The following FIRRM variants were observed in gnomAD, a reference collection of about 807,000 sequenced individuals.
FIRRM encodes the protein FIGNL1-interacting regulator of recombination and mitosis.
the FIRRM span, among the ~76,000 whole-genome samples, chr1:169,838,402 A>G: frequency 6.6e-6 from 1 of 152,224 alleles, no homozygotes; most frequent in Non-Finnish European, 1.5e-5. Context: ...AAAGCACTAT[A>G]AGTAAACTTT....
chr1:169,830,157 G>A, the FIRRM span: 1 of 957,032 alleles, frequency 1.0e-6, no homozygotes, highest in East Asian at 2.7e-5. Flanking sequence ...TCTGTTATTT[G>A]GATTCTGATA....
chr1:169,804,206 A>C, the FIRRM span: 1 of 1,579,350 alleles, frequency 6.3e-7, no homozygotes, highest in Non-Finnish European at 8.6e-7. Context: ...ACCCTTTAGT[A>C]GATGACAATG....
At chr1:169,801,895 A>G in the FIRRM span, among the ~76,000 whole-genome samples, 2 of 152,204 alleles carry the variant, frequency 1.3e-5, no homozygotes, top group East Asian at 1.9e-4. Flanking sequence ...TCTATCTGAA[A>G]TATTTCTTAG....
chr1:169,840,460 TA>T, the FIRRM span, among the ~76,000 whole-genome samples: 9 of 152,124 alleles, frequency 5.9e-5, no homozygotes, highest in Non-Finnish European at 1.3e-4. Flanking sequence ...AATGTATTCC[TA>T]GGGGTGTGCG....
At chr1:169,797,552 TTTTG>T in the FIRRM span, among the ~76,000 whole-genome samples, 14 of 152,272 alleles carry the variant, frequency 9.2e-5, no homozygotes, top group South Asian at 8.3e-4. Flanking sequence ...ATGGGTTTTT[TTTTG>T]TTTGTTTGTT....
chr1:169,819,082 GCA>G, the FIRRM span, among the ~76,000 whole-genome samples: 1 of 152,182 alleles, frequency 6.6e-6, no homozygotes, highest in Non-Finnish European at 1.5e-5. Flanking sequence ...TAATAAGCAG[GCA>G]CAGTTGGAAC....
the FIRRM span, chr1:169,793,671 T>C: frequency 4.4e-6 from 7 of 1,596,232 alleles, no homozygotes; most frequent in African/African-American, 1.4e-5. Context: ...TGGTCTTCTA[T>C]AGTGAAATTA....
the FIRRM span, chr1:169,795,763 C>T: frequency 2.0e-6 from 2 of 985,252 alleles, no homozygotes; most frequent in Non-Finnish European, 2.4e-6. Context: ...TTCCTCCTTC[C>T]CCTCTCAGAC....
At chr1:169,793,592 A>G in the FIRRM span, 1 of 1,614,196 alleles carries the variant, frequency 6.2e-7, no homozygotes, top group Non-Finnish European at 8.5e-7. Flanking sequence ...ACTTTCTGAG[A>G]CTGACAGCTC....
the FIRRM span, chr1:169,793,821 C>A: frequency 2.6e-6 from 2 of 769,686 alleles, no homozygotes; most frequent in African/African-American, 3.6e-5. Flanking sequence ...TCTTTAGCAG[C>A]TTATACATGG....
chr1:169,818,875 C>T, the FIRRM span, among the ~76,000 whole-genome samples: 2 of 152,014 alleles, frequency 1.3e-5, no homozygotes, highest in Non-Finnish European at 2.9e-5. Context: ...TTAGTAGAGA[C>T]AGGGTTTCGC....
the FIRRM span, chr1:169,804,309 A>G: frequency 9.1e-7 from 1 of 1,093,904 alleles, no homozygotes; most frequent in Non-Finnish European, 1.2e-6. Flanking sequence ...AATTGTCTCT[A>G]ATGATTCATG....
At chr1:169,827,238 A>T in the FIRRM span, 1 of 1,559,590 alleles carries the variant, frequency 6.4e-7, no homozygotes. Flanking sequence ...ATCATCTATT[A>T]TGACATGTTA....
chr1:169,785,238 C>T, the FIRRM span, among the ~76,000 whole-genome samples: 10 of 152,296 alleles, frequency 6.6e-5, no homozygotes, highest in African/African-American at 1.9e-4. Context: ...AGGAGCTGGG[C>T]GAGCTCTTTG....
chr1:169,795,991 A>G, the FIRRM span: 1,222 of 982,128 alleles, frequency 1.2e-3, 2 homozygotes, highest in Admixed American at 2.7e-3. Flanking sequence ...ATGGTAAACC[A>G]TATGTATATG....
the FIRRM span, chr1:169,853,734 G>A: frequency 9.3e-6 from 15 of 1,613,464 alleles, no homozygotes; most frequent in African/African-American, 2.7e-5. Flanking sequence ...TATCTTCCCA[G>A]TTCAGCTCCC....
chr1:169,807,852 A>G, the FIRRM span: 1,603 of 1,609,586 alleles, frequency 1.0e-3, 9 homozygotes, highest in East Asian at 0.016. Flanking sequence ...TATAATTACT[A>G]GCTTGTGTGA....
chr1:169,808,081 C>G, the FIRRM span: 3 of 743,818 alleles, frequency 4.0e-6, no homozygotes, highest in African/African-American at 5.6e-5. Context: ...TTATTTATAT[C>G]CCATAATTAC....
At chr1:169,840,171 T>C in the FIRRM span, among the ~76,000 whole-genome samples, 1 of 152,236 alleles carries the variant, frequency 6.6e-6, no homozygotes, top group Admixed American at 6.5e-5. Context: ...CCTCTGGCCT[T>C]CTTCATTTTG....
Sources: allele counts gnomAD v4.1 joint callset (sites outside exome capture counted in the v4.1 genomes callset), GRCh38; gene constraint gnomAD v4.1.1; transcripts MANE v1.5; gene names NCBI Gene and HGNC (gene_info 2026-07-23, HGNC 2026-07-21).